The following FER variants were observed in gnomAD, a reference collection of about 807,000 sequenced individuals.
FER encodes the protein FER tyrosine kinase.
FER carries 63 observed loss-of-function variants against 111.0 expected under a neutral mutation model. That is an observed-to-expected ratio of 0.57 (90% confidence interval 0.46 to 0.70). The LOEUF is 0.70. FER is among the 30% of genes least tolerant of loss of function. The pLI, the probability that FER is intolerant of heterozygous loss-of-function variation, is 0.00. For missense variants in FER, 914 were observed against 954.0 expected, an observed-to-expected ratio of 0.96 and a Z score of 0.55; for synonymous variants, 327 against 313.9, an observed-to-expected ratio of 1.04 and a Z score of -0.44.
chr5:109,095,553 C>T (rs1747398539), intron 16 of FER, among the ~76,000 whole-genome samples: 2 of 152,050 alleles, frequency 1.3e-5, no homozygotes, highest in African/African-American at 4.8e-5. Flanking sequence ...GTGTTTGCAT[C>T]GGTCCTCTCC....
intron 10 of FER, among the ~76,000 whole-genome samples, chr5:108,911,111 A>C (rs1263994258): frequency 2.0e-5 from 3 of 152,030 alleles, no homozygotes; most frequent in African/African-American, 7.2e-5. Flanking sequence ...TTTTCTTTTC[A>C]CCACATCCGC....
At chr5:108,761,126 C>T (rs764913090) in intron 1 of FER, among the ~76,000 whole-genome samples, 27 of 152,076 alleles carry the variant, frequency 1.8e-4, no homozygotes, top group Non-Finnish European at 2.5e-4. Context: ...GATGGGGTTT[C>T]ACCATGTTTG....
intron 17 of FER, among the ~76,000 whole-genome samples, chr5:109,127,671 C>T (rs544411293): frequency 1.3e-5 from 2 of 152,218 alleles, no homozygotes; most frequent in Admixed American, 1.3e-4. Context: ...TCCCAAAGTG[C>T]TGGGATTACA....
intron 2 of FER, chr5:108,785,322 G>A: frequency 1.8e-6 from 1 of 559,636 alleles, no homozygotes; most frequent in South Asian, 1.6e-5. Context: ...AACACCCTGT[G>A]CTTCAGCCCC....
intron 10 of FER, among the ~76,000 whole-genome samples, chr5:108,938,026 TCACACACACA>T (rs201092702): frequency 0.14 from 18,516 of 130,776 alleles, 1,482 homozygotes; most frequent in Non-Finnish European, 0.19. Flanking sequence ...TATCTCTCTC[TCACACACACA>T]CACACACACA....
At chr5:108,857,793 A>G (rs1446280051) in intron 5 of FER, among the ~76,000 whole-genome samples, 1 of 152,146 alleles carries the variant, frequency 6.6e-6, no homozygotes, top group Non-Finnish European at 1.5e-5. Context: ...TTCATGGATT[A>G]TAATTTTATA....
chr5:108,819,927 A>G (rs992295405), intron 3 of FER: 1 of 985,344 alleles, frequency 1.0e-6, no homozygotes, highest in South Asian at 4.7e-5. Context: ...TGGAGGAGGA[A>G]AGAGAGGACT....
At chr5:109,013,378 T>A (rs556614852) in intron 13 of FER, among the ~76,000 whole-genome samples, 1 of 151,922 alleles carries the variant, frequency 6.6e-6, no homozygotes, top group Non-Finnish European at 1.5e-5. Flanking sequence ...TGATTTCCAA[T>A]TTCATCCATG....
At chr5:108,947,733 CA>C (rs889325398) in intron 11 of FER, among the ~76,000 whole-genome samples, 9 of 148,752 alleles carry the variant, frequency 6.1e-5, no homozygotes, top group Non-Finnish European at 8.9e-5. Context: ...TTTTGGTTGT[CA>C]AAAAAAAATC....
intron 16 of FER, among the ~76,000 whole-genome samples, chr5:109,076,671 C>A (rs1776383044): frequency 6.6e-6 from 1 of 152,120 alleles, no homozygotes; most frequent in Non-Finnish European, 1.5e-5. Flanking sequence ...CTCCTGGGCT[C>A]ATGTGATTCA....
chr5:109,015,829 T>A (rs1767023638), intron 13 of FER, among the ~76,000 whole-genome samples: 1 of 152,050 alleles, frequency 6.6e-6, no homozygotes, highest in Non-Finnish European at 1.5e-5. Context: ...TTGGCTTTTT[T>A]CTGTGTTGTC....
chr5:109,008,141 C>G (rs902283168), intron 13 of FER, among the ~76,000 whole-genome samples: 1 of 152,066 alleles, frequency 6.6e-6, no homozygotes, highest in Admixed American at 6.5e-5. Flanking sequence ...ATCTTGTACT[C>G]ACGGAGGAAA....
At chr5:108,793,529 G>A (rs1297879761) in intron 2 of FER, among the ~76,000 whole-genome samples, 1 of 119,606 alleles carries the variant, frequency 8.4e-6, no homozygotes, top group Non-Finnish European at 1.8e-5. Flanking sequence ...CGGGGGGGGT[G>A]GTTATATACC....
intron 13 of FER, among the ~76,000 whole-genome samples, chr5:109,036,886 T>C (rs13189136): frequency 1.3e-5 from 2 of 151,968 alleles, no homozygotes; most frequent in Non-Finnish European, 2.9e-5. Flanking sequence ...TTGTAATTGG[T>C]GTTTGTTGCT....
chr5:108,843,274 C>T (rs2150159237), intron 5 of FER, among the ~76,000 whole-genome samples: 1 of 152,196 alleles, frequency 6.6e-6, no homozygotes, highest in South Asian at 2.1e-4. Context: ...AGTAGTATTC[C>T]ATCATCTATC....
intron 11 of FER, among the ~76,000 whole-genome samples, chr5:108,949,521 C>A (rs1208387185): frequency 6.6e-6 from 1 of 151,934 alleles, no homozygotes; most frequent in East Asian, 1.9e-4. Context: ...TGTAATTTTT[C>A]TTAAAGGACT....
At chr5:109,141,516 C>G (rs1753522587) in intron 17 of FER, among the ~76,000 whole-genome samples, 1 of 152,156 alleles carries the variant, frequency 6.6e-6, no homozygotes, top group Non-Finnish European at 1.5e-5. Flanking sequence ...GATGTAGTAA[C>G]AAACAACATG....
At chr5:109,174,617 C>T (rs962607364) in intron 17 of FER, among the ~76,000 whole-genome samples, 3 of 152,038 alleles carry the variant, frequency 2.0e-5, no homozygotes, top group East Asian at 3.9e-4. Context: ...GTTTCAAAGC[C>T]GTTGGTGACA....
intron 16 of FER, among the ~76,000 whole-genome samples, chr5:109,064,553 G>C (rs1774849678): frequency 6.6e-6 from 1 of 152,162 alleles, no homozygotes; most frequent in Non-Finnish European, 1.5e-5. Flanking sequence ...ATGTTGGTAT[G>C]TTGTAAGAAA....
Sources: allele counts gnomAD v4.1 joint callset (sites outside exome capture counted in the v4.1 genomes callset), GRCh38; gene constraint gnomAD v4.1.1; transcripts MANE v1.5; gene names NCBI Gene and HGNC (gene_info 2026-07-23, HGNC 2026-07-21).